Variants in SGSM3 observed in about 807,000 individuals in gnomAD.
SGSM3 encodes small G protein signaling modulator 3, also known as RUN and SH3 containing 3.
In SGSM3, 96 loss-of-function variants were observed where a neutral mutation model predicts 100.5. The observed-to-expected ratio is 0.96, with a 90% confidence interval of 0.81 to 1.13. The LOEUF (loss-of-function observed/expected upper bound fraction) is 1.13. Among genes scored for constraint, SGSM3 ranks in the 50% most tolerant of loss-of-function variants. The pLI is 0.00. For synonymous variants in SGSM3, 483 were observed against 422.8 expected (o/e 1.14, Z -1.75); for missense variants, 1,001 against 1,015.8 (o/e 0.99, Z 0.20).
At chr22:40,377,946 T>C (rs886365360) in intron 1 of SGSM3, among the ~76,000 whole-genome samples, 1 of 152,082 alleles carries the variant, frequency 6.6e-6, no homozygotes. Context: ...CTGAAGTATG[T>C]AGAATACAAA....
chr22:40,407,142 G>A lies in SGSM3; in HGVS notation c.1241-59G>A. ...GTCCTCACGCTCATGTGGACGTGGA[G>A]CTTCCTCCTCGGGGGCCTGGAGTGG... On this transcript the variant is annotated intron_variant, in intron 11 of 21. Transcript: ENST00000248929. The surrounding 1 kb of genome is among the most constrained non-coding windows in gnomAD (Gnocchi z 4.7). 6.2e-7 allele frequency: 1 copy of A among 1,612,300 alleles called. No individual in the cohort carries two copies. The highest frequency in any genetic ancestry group is 8.5e-7 in the Non-Finnish European group (1 of 1,179,120).
At chr22:40,382,664 G>A (rs2047757364) in intron 1 of SGSM3, among the ~76,000 whole-genome samples, 1 of 152,224 alleles carries the variant, frequency 6.6e-6, no homozygotes, top group African/African-American at 2.4e-5. Flanking sequence ...GGTTCACGGG[G>A]AGTGGATGGG....
In SGSM3 at chr22:40,404,614, C is replaced by T. The variant is rs374291042; in HGVS notation, c.424C>T (p.Arg142Cys). 490 of 1,613,562 alleles carry T rather than the reference C, an allele frequency of 3.0e-4. No individual in the cohort carries two copies. Among genetic ancestry groups the T allele is most frequent in the Non-Finnish European group, 4.0e-4 (471 of 1,179,864 alleles). The change falls in exon 6 of 22, where the codon CGC becomes TGC. Residue 142 changes from arginine (R) to cysteine (C), a missense_variant. Physicochemically the swap from Arg to Cys is radical, Grantham distance 180 (BLOSUM62 -3). Transcript: ENST00000248929. ...GAAGAGGAACTCTGAGCTGTCCTAC[C>T]GCGAGATTGTGAAGAACAGCTCCAA... The part of the protein sequence containing the change: ...QKKRNSELSY[R>C]EIVKNSSNDE...
intron 4 of SGSM3, among the ~76,000 whole-genome samples, chr22:40,403,832 C>G (rs1008167423): frequency 4.6e-5 from 7 of 152,076 alleles, no homozygotes; most frequent in Non-Finnish European, 1.0e-4. Context: ...CTGCAGTGAT[C>G]TGGATGAAGG....
Position 40,410,069 on chromosome 22 carries a change from C to G in SGSM3, c.*310C>G. The G allele has an allele frequency of 1.6e-6, 2 of 1,258,306 alleles. No homozygotes were observed. Among genetic ancestry groups the G allele is most frequent in the Non-Finnish European group, 2.0e-6 (2 of 1,001,256 alleles). 77.9% of individuals were successfully genotyped at this position (1,258,306 alleles called of 1,614,324 possible). A position where few individuals can be genotyped will look rare whatever the true frequency, so the allele number is the denominator to read the frequency against. ...TGGGGGTGGCTAGTAGGCTCCTGGC[C>G]TCTTTGGTTTATAAATAAACTGTGT... On this transcript the variant is annotated 3_prime_UTR_variant, in exon 22 of 22. Coordinates refer to ENST00000248929, the MANE Select transcript of SGSM3 (RefSeq NM_015705.6).
intron 4 of SGSM3, 66 bp downstream of exon 4, chr22:40,402,271 A>C (rs2050853342): frequency 3.3e-6 from 4 of 1,226,086 alleles, no homozygotes; most frequent in Non-Finnish European, 4.8e-6. Flanking sequence ...CGCTCCCTTG[A>C]CTGAATTACT....
chr22:40,405,291 A>G lies in SGSM3; in HGVS notation c.618+7A>G, dbSNP rs1241704307. ...CTGCCAGGGCACCGGCATGGTGAGC[A>G]CAGCCCCAGAAAGGGCAGTGGCAGC... On this transcript the variant is annotated splice_region_variant and intron_variant, in intron 7 of 21. Coordinates refer to ENST00000248929, the MANE Select transcript of SGSM3 (RefSeq NM_015705.6). 2.7e-6 allele frequency: 4 copies of G among 1,494,978 alleles called. No individual in the cohort carries two copies. The South Asian group carries it at 4.1e-5, about 15-fold the overall frequency. 92.6% of individuals were successfully genotyped at this position (1,494,978 alleles called of 1,614,324 possible). A position where few individuals can be genotyped will look rare whatever the true frequency, so the allele number is the denominator to read the frequency against.
intron 1 of SGSM3, among the ~76,000 whole-genome samples, chr22:40,389,011 A>C (rs2048924633): frequency 6.6e-6 from 1 of 152,172 alleles, no homozygotes; most frequent in Admixed American, 6.5e-5. Context: ...TGAGAGAGAA[A>C]TGCATCTTGG....
intron 1 of SGSM3, among the ~76,000 whole-genome samples, chr22:40,378,666 C>T (rs186506971): frequency 1.1e-4 from 16 of 150,264 alleles, no homozygotes; most frequent in African/African-American, 3.2e-4. Context: ...GCGGAGGTTG[C>T]AGTGAGCTGA....
In SGSM3 at chr22:40,406,435, C is replaced by T. The variant is rs2051534460; in HGVS notation, c.961-3C>T. On this transcript the variant is annotated splice_region_variant and splice_polypyrimidine_tract_variant and intron_variant, in intron 9 of 21. Coordinates refer to ENST00000248929, the MANE Select transcript of SGSM3 (RefSeq NM_015705.6). Reference sequence around the variant, plus strand: ...TCCCCCATCCTGCCCTGGCATGGCCCAGGAGGAAGAGCTGATCCAGTCAGA... The same window carrying T: ...TCCCCCATCCTGCCCTGGCATGGCCTAGGAGGAAGAGCTGATCCAGTCAGA... 6.4e-7 allele frequency: 1 copy of T among 1,572,924 alleles called. No individual in the cohort carries two copies. Among genetic ancestry groups the T allele is most frequent in the Non-Finnish European group, 8.7e-7 (1 of 1,156,004 alleles).
At chr22:40,406,313 G>GC (rs1205320258) in intron 9 of SGSM3, 90 bp downstream of exon 9, 4 of 1,550,538 alleles carry the variant, frequency 2.6e-6, no homozygotes, top group Non-Finnish European at 3.5e-6. Context: ...GGCAAGACCA[G>GC]CCCCCTGGCC....
At chr22:40,383,937 AT>A (rs1322394119) in intron 1 of SGSM3, among the ~76,000 whole-genome samples, 1 of 152,156 alleles carries the variant, frequency 6.6e-6, no homozygotes, top group Non-Finnish European at 1.5e-5. Flanking sequence ...CTTGCAACTG[AT>A]TTGATATGAG....
rs763475689 is a variant in SGSM3, at chr22:40,404,429, G to C, written c.340G>C (p.Gly114Arg). Reference sequence around the variant, plus strand: ...GAAGCTCCGCTCCCTGGTGCTGGCCGGCATCCCACATGGCATGAGGCCACA... The same window carrying C: ...GAAGCTCCGCTCCCTGGTGCTGGCCCGCATCCCACATGGCATGAGGCCACA... ...SEKLRSLVLA[G>R]IPHGMRPQLW... Residue 114 changes from glycine (G) to arginine (R), a missense_variant, in exon 5 of 22, where the codon GGC becomes CGC. Physicochemically the swap from Gly to Arg is moderately radical, Grantham distance 125. Coordinates refer to ENST00000248929, the MANE Select transcript of SGSM3 (RefSeq NM_015705.6). 6.2e-7 allele frequency: 1 copy of C among 1,604,656 alleles called. No individual in the cohort carries two copies. The highest frequency in any genetic ancestry group is 8.5e-7 in the Non-Finnish European group (1 of 1,174,820).
At chr22:40,408,223 GTGAC>G (rs2051933557) in intron 15 of SGSM3, 50 bp from the exon 16 acceptor site, 6 of 1,608,248 alleles carry the variant, frequency 3.7e-6, no homozygotes, top group Non-Finnish European at 5.1e-6. Flanking sequence ...ACAGAGGAGG[GTGAC>G]TGGCTGCAGG....
chr22:40,381,079 G>A (rs1424877693), intron 1 of SGSM3, among the ~76,000 whole-genome samples: 1 of 152,198 alleles, frequency 6.6e-6, no homozygotes, highest in African/African-American at 2.4e-5. Flanking sequence ...AAGTAATTAG[G>A]AAAGGTTATA....
rs2052253680 is a variant in SGSM3, at chr22:40,409,448, C to A, written c.2112-17C>A. 5.1e-6 allele frequency: 8 copies of A among 1,566,364 alleles called. No homozygotes were observed. Among genetic ancestry groups the A allele is most frequent in the Non-Finnish European group, 6.1e-6 (7 of 1,153,980 alleles). On this transcript the variant is annotated splice_polypyrimidine_tract_variant and intron_variant, in intron 20 of 21. Coordinates refer to ENST00000248929, the MANE Select transcript of SGSM3 (RefSeq NM_015705.6). ...CTGGGGGTGACAAGAGCCTTACCAC[C>A]CCTTCCTCACCTCTAGAGTCCTCTG...
chr22:40,391,868 T>A (rs1234576240), intron 1 of SGSM3, among the ~76,000 whole-genome samples: 1 of 152,148 alleles, frequency 6.6e-6, no homozygotes, highest in African/African-American at 2.4e-5. Context: ...ACAGCCAGTG[T>A]CTCACCCAAA....
At position 40,410,093 on chromosome 22, in the gene SGSM3, GTC is replaced by G; in HGVS notation, c.*336_*337del. 8.3e-7 allele frequency: 1 copy of G among 1,201,100 alleles called. No homozygotes were observed. Among genetic ancestry groups the G allele is most frequent in the South Asian group, 2.9e-5 (1 of 34,916 alleles). The allele number at this position is 1,201,100 out of a possible 1,614,324, so 74.4% of individuals were successfully genotyped here. A position where few individuals can be genotyped will look rare whatever the true frequency, so the allele number is the denominator to read the frequency against. On this transcript the variant is annotated 3_prime_UTR_variant, in exon 22 of 22. Coordinates refer to ENST00000248929, the MANE Select transcript of SGSM3 (RefSeq NM_015705.6). The stretch of plus-strand genomic sequence containing the variant: ...CCTCTTTGGTTTATAAATAAACTGT[GTC>G]TGTCTTTGAGAAAGCACCTACCTGT...
intron 1 of SGSM3, among the ~76,000 whole-genome samples, chr22:40,382,282 T>C (rs2047695784): frequency 6.6e-6 from 1 of 152,196 alleles, no homozygotes; most frequent in Non-Finnish European, 1.5e-5. Flanking sequence ...CTCCAGAATT[T>C]AGCAGCTTAA....
Sources: gnomAD v4.1 joint callset for allele counts (sites outside exome capture counted in the v4.1 genomes callset) on GRCh38, gnomAD v4.1.1 for gene constraint, Gnocchi (gnomAD v3.1) non-coding constraint, MANE v1.5 for transcripts, NCBI Gene and HGNC (gene_info 2026-07-23, HGNC 2026-07-21) for gene names.